SUFU: variants seen among roughly 807,000 people sequenced by gnomAD.
SUFU encodes SUFU negative regulator of hedgehog signaling.
Under a neutral mutation model 58.9 loss-of-function variants are expected in SUFU, and 7 were observed. The observed-to-expected ratio is 0.12, with a 90% CI of 0.07 to 0.22. The LOEUF is 0.22. Among genes scored for constraint, SUFU ranks in the 10% least tolerant of loss-of-function variants. SUFU has a pLI of 1.00. For synonymous variants in SUFU, 232 were observed against 254.8 expected (o/e 0.91, Z 0.85); for missense variants, 451 against 641.3 (o/e 0.70, Z 3.20).
At position 102,630,371 on chromosome 10, in the gene SUFU, C is replaced by G; in HGVS notation, c.*216C>G. 1.7e-6 allele frequency: 1 copy of G among 596,090 alleles called. No homozygotes were observed. Among genetic ancestry groups the G allele is most frequent in the East Asian group, 2.8e-5 (1 of 35,096 alleles). 36.9% of individuals were successfully genotyped at this position (596,090 alleles called of 1,614,324 possible). On this transcript the variant is annotated 3_prime_UTR_variant, in exon 12 of 12. Coordinates refer to ENST00000369902, the MANE Select transcript of SUFU (RefSeq NM_016169.4). ...GGCCGCACCCCGCCGCTGGCTAAGC[C>G]TTGTGACCCATCAGGCCAGTGAGTG...
chr10:102,549,723 A>T (rs1353490440), intron 2 of SUFU, among the ~76,000 whole-genome samples: 1 of 152,216 alleles, frequency 6.6e-6, no homozygotes, highest in Non-Finnish European at 1.5e-5. Flanking sequence ...GAGTGCCAGC[A>T]GTAGAATTTG....
At chr10:102,572,722 A>G in intron 3 of SUFU, 1 of 714,958 alleles carries the variant, frequency 1.4e-6, no homozygotes, top group East Asian at 2.7e-5. Flanking sequence ...GTGAAAAGAT[A>G]TACATATATT....
chr10:102,513,466 A>G (rs924974581), intron 2 of SUFU, among the ~76,000 whole-genome samples: 3 of 152,262 alleles, frequency 2.0e-5, no homozygotes, highest in African/African-American at 7.2e-5. Flanking sequence ...ATCGTAATAG[A>G]TGTCTTGGGG....
At chr10:102,552,202 T>A (rs2062926138) in intron 3 of SUFU, among the ~76,000 whole-genome samples, 1 of 152,100 alleles carries the variant, frequency 6.6e-6, no homozygotes, top group African/African-American at 2.4e-5. Context: ...CCCAGCAGTT[T>A]GAGAGGCTGA....
intron 3 of SUFU, among the ~76,000 whole-genome samples, chr10:102,592,304 A>G (rs2063410959): frequency 6.6e-6 from 1 of 152,212 alleles, no homozygotes; most frequent in Non-Finnish European, 1.5e-5. Context: ...AGCGAAGCAG[A>G]TGCCAGAAGT....
chr10:102,610,185 G>A (rs1192162689), intron 8 of SUFU, among the ~76,000 whole-genome samples: 3 of 151,882 alleles, frequency 2.0e-5, no homozygotes, highest in African/African-American at 7.3e-5. Flanking sequence ...TTGAGGTCAG[G>A]AGTTCGAGAC....
At chr10:102,564,066 A>G (rs1183670177) in intron 3 of SUFU, among the ~76,000 whole-genome samples, 1 of 152,184 alleles carries the variant, frequency 6.6e-6, no homozygotes, top group African/African-American at 2.4e-5. Context: ...AGCACACCAC[A>G]GGGCTGTCTT....
chr10:102,540,760 A>C (rs1431034767), intron 2 of SUFU, among the ~76,000 whole-genome samples: 13 of 149,788 alleles, frequency 8.7e-5, no homozygotes, highest in Admixed American at 7.4e-4. Flanking sequence ...AGTGGCTCAC[A>C]CCTACAATCC....
At chr10:102,576,087 C>A (rs2063209371) in intron 3 of SUFU, among the ~76,000 whole-genome samples, 1 of 150,910 alleles carries the variant, frequency 6.6e-6, no homozygotes, top group Non-Finnish European at 1.5e-5. Flanking sequence ...CTGAAGTGAT[C>A]CACCCACCTC....
At chr10:102,570,734 A>G (rs1304860144) in intron 3 of SUFU, among the ~76,000 whole-genome samples, 1 of 150,924 alleles carries the variant, frequency 6.6e-6, no homozygotes, top group Non-Finnish European at 1.5e-5. Flanking sequence ...TAAGGCAGGA[A>G]GAAGGGAGTT....
intron 2 of SUFU, among the ~76,000 whole-genome samples, chr10:102,545,133 A>G (rs898860605): frequency 2.7e-5 from 4 of 150,770 alleles, no homozygotes; most frequent in Non-Finnish European, 4.4e-5. Context: ...TTTTTAGACA[A>G]GGTCTTACTC....
intron 2 of SUFU, among the ~76,000 whole-genome samples, chr10:102,545,251 T>G (rs986201501): frequency 5.3e-5 from 8 of 151,526 alleles, no homozygotes; most frequent in Admixed American, 5.3e-4. Context: ...CCTGGGTAGC[T>G]GGGACTACAG....
chr10:102,557,822 A>C (rs551149803), intron 3 of SUFU, among the ~76,000 whole-genome samples: 1 of 151,732 alleles, frequency 6.6e-6, no homozygotes, highest in East Asian at 1.9e-4. Flanking sequence ...CATCATTCCT[A>C]GTTTCAGTTT....
chr10:102,514,221 C>T (rs973643532), intron 2 of SUFU, among the ~76,000 whole-genome samples: 1 of 152,152 alleles, frequency 6.6e-6, no homozygotes, highest in Non-Finnish European at 1.5e-5. Context: ...TGTACCTCCT[C>T]CTATTATGAT....
At chr10:102,549,851 T>C (rs2062893489) in intron 2 of SUFU, 119 bp from the exon 3 acceptor site, 1 of 1,336,344 alleles carries the variant, frequency 7.5e-7, no homozygotes, top group South Asian at 1.2e-5. Context: ...GGGATACTCC[T>C]CTGAATGGAG....
chr10:102,588,333 C>T (rs559359194), intron 3 of SUFU, among the ~76,000 whole-genome samples: 1 of 148,108 alleles, frequency 6.8e-6, no homozygotes, highest in Admixed American at 6.8e-5. Context: ...GTGGAGTTGG[C>T]AGTGAGCCGA....
At chr10:102,596,816 C>T (rs897605474) in intron 6 of SUFU, among the ~76,000 whole-genome samples, 6 of 152,088 alleles carry the variant, frequency 3.9e-5, no homozygotes, top group Non-Finnish European at 8.8e-5. Context: ...GCCAGCGTGG[C>T]GGGGACAGGT....
chr10:102,617,601 C>T lies in SUFU; in HGVS notation c.1296+173C>T. 1.2e-6 allele frequency: 1 copy of T among 803,374 alleles called. No homozygotes were observed. The highest frequency in any genetic ancestry group is 2.0e-6 in the Non-Finnish European group (1 of 494,412). 49.8% of individuals were successfully genotyped at this position (803,374 alleles called of 1,614,324 possible). A position where few individuals can be genotyped will look rare whatever the true frequency, so the allele number is the denominator to read the frequency against. ...TAGGTATGGAGTGTGGATGCTGCTACCCACTCCAGCAGCTTAGGAGCACTT... is the reference window on the plus strand; with the variant it reads ...TAGGTATGGAGTGTGGATGCTGCTATCCACTCCAGCAGCTTAGGAGCACTT... On this transcript the variant is annotated intron_variant, in intron 10 of 11. Transcript: ENST00000369902. This position sits in a 1 kb window ranked among gnomAD's most constrained non-coding sequence, Gnocchi z 4.4.
At chr10:102,543,478 G>GT (rs2062824282) in intron 2 of SUFU, among the ~76,000 whole-genome samples, 2 of 152,144 alleles carry the variant, frequency 1.3e-5, no homozygotes, top group South Asian at 2.1e-4. Flanking sequence ...CGCTTTCATG[G>GT]TTTTTTGCAT....
Sources: allele counts gnomAD v4.1 joint callset (sites outside exome capture counted in the v4.1 genomes callset), GRCh38; gene constraint gnomAD v4.1.1; non-coding constraint Gnocchi (gnomAD v3.1); transcripts MANE v1.5; gene names NCBI Gene and HGNC (gene_info 2026-07-23, HGNC 2026-07-21).